Variants in ANO10 observed in about 807,000 individuals in gnomAD.
The protein encoded by ANO10 is anoctamin-10.
ANO10 carries 77 observed loss-of-function variants against 74.7 expected under a neutral mutation model. The ratio of observed to expected loss-of-function variants is 1.03; its 90% CI spans 0.86 to 1.25. ANO10 has a LOEUF of 1.25. ANO10 is among the 50% of genes most tolerant of loss of function. The probability of loss-of-function intolerance (pLI) is 0.00; values close to 1 mark genes in which losing one functional copy is unlikely to be tolerated. For synonymous variants in ANO10, 279 were observed against 284.9 expected, an observed-to-expected ratio of 0.98 and a Z score of 0.21; for missense variants, 721 against 778.1, an observed-to-expected ratio of 0.93 and a Z score of 0.87.
intron 4 of ANO10, among the ~76,000 whole-genome samples, chr3:43,581,686 T>C (rs1057201612): frequency 6.6e-6 from 1 of 152,144 alleles, no homozygotes; most frequent in African/African-American, 2.4e-5. Context: ...TTTAGGAGGC[T>C]GAGGCGGAGT....
chr3:43,595,546 C>T (rs904042949), intron 4 of ANO10, among the ~76,000 whole-genome samples: 18 of 152,014 alleles, frequency 1.2e-4, no homozygotes, highest in East Asian at 1.9e-4. Flanking sequence ...AAAAGGCCTT[C>T]GAGAAAATTC....
intron 11 of ANO10, among the ~76,000 whole-genome samples, chr3:43,445,431 C>T (rs1842806): frequency 0.49 from 74,548 of 151,492 alleles, 20,373 homozygotes; most frequent in East Asian, 0.82. Flanking sequence ...GTTAACTTTT[C>T]TGTAATCTAA....
chr3:43,429,410 T>G (rs1207441285), intron 12 of ANO10, among the ~76,000 whole-genome samples: 1 of 152,164 alleles, frequency 6.6e-6, no homozygotes, highest in Admixed American at 6.5e-5. Context: ...TAAAATTTAC[T>G]GTATAGATAT....
chr3:43,499,186 A>C (rs185537188), intron 11 of ANO10, among the ~76,000 whole-genome samples: 3 of 152,218 alleles, frequency 2.0e-5, no homozygotes, highest in Non-Finnish European at 4.4e-5. Context: ...ATGCAGAGTG[A>C]AAATAAACTC....
At chr3:43,445,182 T>C (rs1182138596) in intron 11 of ANO10, among the ~76,000 whole-genome samples, 2 of 149,228 alleles carry the variant, frequency 1.3e-5, no homozygotes, top group African/African-American at 2.5e-5. Flanking sequence ...TCTAATACCA[T>C]TGTCCAAAAC....
Position 43,633,906 on chromosome 3 carries a change from A to T in ANO10, c.-11-28043T>A, listed in dbSNP as rs976962525. ...TTTGCATCGTAGCTAAAAAAAAAAAAACTCAGACTTTTAACCCTGGTCTTT... is the reference window on the plus strand; with the variant it reads ...TTTGCATCGTAGCTAAAAAAAAAAATACTCAGACTTTTAACCCTGGTCTTT... On this transcript the variant is annotated intron_variant, in intron 1 of 3. Coordinates refer to the ANO10 transcript ENST00000413397. Among the ~76,000 whole-genome samples, 10 of 151,960 alleles carry T rather than the reference A, an allele frequency of 6.6e-5. No individual in the cohort carries two copies. In the East Asian group the frequency reaches 1.4e-3, roughly 21 times the overall value.
At chr3:43,625,365 C>G (rs1253164916), upstream of ANO10, among the ~76,000 whole-genome samples, 1 of 152,228 alleles carries the variant, frequency 6.6e-6, no homozygotes, top group Non-Finnish European at 1.5e-5. Flanking sequence ...AAACAAGACT[C>G]TCACTACTAC....
chr3:43,477,934 G>C (rs1448060989), intron 11 of ANO10, among the ~76,000 whole-genome samples: 1 of 152,186 alleles, frequency 6.6e-6, no homozygotes, highest in East Asian at 1.9e-4. Flanking sequence ...GAGGAATGTT[G>C]AGAAGTGATT....
At chr3:43,520,290 T>C (rs983180528) in intron 11 of ANO10, among the ~76,000 whole-genome samples, 4 of 152,212 alleles carry the variant, frequency 2.6e-5, no homozygotes, top group Non-Finnish European at 5.9e-5. Context: ...AAATGCCATA[T>C]ACTTGATAGC....
At chr3:43,479,440 A>G (rs2076187546) in intron 11 of ANO10, among the ~76,000 whole-genome samples, 2 of 152,216 alleles carry the variant, frequency 1.3e-5, no homozygotes, top group Admixed American at 1.3e-4. Context: ...AATCTATGAA[A>G]AATTACCAAA....
In ANO10 at chr3:43,459,175, T is replaced by C. The variant is rs72863702; in HGVS notation, c.1798-26448A>G. 8.7e-3 allele frequency among the ~76,000 whole-genome samples: 1,331 copies of C among 152,228 alleles called. 19 individuals carry two copies. Among genetic ancestry groups the C allele is most frequent in the African/African-American group, 0.03 (1,253 of 41,524 alleles). Reference sequence around the variant, plus strand: ...TCTCAATTTTTTTTTCCTGACTCACTTTCTGTCCAACCACCACCACCCCAC... The same window carrying C: ...TCTCAATTTTTTTTTCCTGACTCACCTTCTGTCCAACCACCACCACCCCAC... On this transcript the variant is annotated intron_variant, in intron 11 of 12. Coordinates refer to ENST00000292246, the MANE Select transcript of ANO10 (RefSeq NM_018075.5).
chr3:43,598,434 G>C, intron 4 of ANO10, 98 bp downstream of exon 4: 2 of 1,188,334 alleles, frequency 1.7e-6, no homozygotes, highest in South Asian at 2.7e-5. Flanking sequence ...ACAAGTTATT[G>C]TAAGTTTGTG....
At chr3:43,689,449 G>A (rs913275878) in intron 1 of ANO10, 24 of 152,060 alleles carry the variant, frequency 1.6e-4, no homozygotes, top group South Asian at 2.1e-4. Flanking sequence ...TTGAATATAC[G>A]GCCCTTTCAT....
intron 1 of ANO10, among the ~76,000 whole-genome samples, chr3:43,650,394 A>G (rs777963735): frequency 6.6e-6 from 1 of 152,166 alleles, no homozygotes; most frequent in Non-Finnish European, 1.5e-5. Flanking sequence ...ACCGAGAAAA[A>G]CCATTAAGTT....
chr3:43,562,941 C>T (rs879108685), intron 8 of ANO10, among the ~76,000 whole-genome samples: 4 of 152,076 alleles, frequency 2.6e-5, no homozygotes, highest in Admixed American at 2.0e-4. Flanking sequence ...CTAAAAAGCA[C>T]AGGCAACAAA....
At chr3:43,583,703 G>C (rs2081356432) in intron 4 of ANO10, among the ~76,000 whole-genome samples, 1 of 152,186 alleles carries the variant, frequency 6.6e-6, no homozygotes, top group African/African-American at 2.4e-5. Flanking sequence ...GGAAGTGGTG[G>C]CCAGCAGCCT....
chr3:43,658,609 A>C (rs2083884915), intron 1 of ANO10, among the ~76,000 whole-genome samples: 1 of 152,078 alleles, frequency 6.6e-6, no homozygotes, highest in Non-Finnish European at 1.5e-5. Context: ...AGCTGGGATT[A>C]CAGTCACCTG....
chr3:43,679,490 C>A (rs556274316), intron 1 of ANO10, among the ~76,000 whole-genome samples: 105 of 152,324 alleles, frequency 6.9e-4, no homozygotes, highest in African/African-American at 2.5e-3. Flanking sequence ...AGCCTGCCAG[C>A]CTCTGTAGAC....
intron 12 of ANO10, among the ~76,000 whole-genome samples, chr3:43,401,858 T>C (rs1458233618): frequency 1.3e-5 from 2 of 152,254 alleles, no homozygotes; most frequent in Non-Finnish European, 2.9e-5. Context: ...GTTTACTCTG[T>C]GGTCAATTAT....
Sources: gnomAD v4.1 joint callset for allele counts (sites outside exome capture counted in the v4.1 genomes callset) on GRCh38, gnomAD v4.1.1 for gene constraint, MANE v1.5 for transcripts, NCBI Gene and HGNC (gene_info 2026-07-23, HGNC 2026-07-21) for gene names.